The following TRPM7 variants were observed in gnomAD, a reference collection of about 807,000 sequenced individuals.
TRPM7 encodes LTRPC ion channel family member 7.
Under a neutral mutation model 229.7 loss-of-function variants are expected in TRPM7, and 134 were observed. The observed-to-expected ratio is 0.58, with a 90% CI of 0.51 to 0.67. TRPM7 has a LOEUF of 0.67. Ranked by LOEUF, TRPM7 falls within the 30% of genes least tolerant of loss-of-function variation. The pLI is 0.00. For synonymous variants in TRPM7, 699 were observed against 715.2 expected (o/e 0.98, Z 0.36); for missense variants, 1,901 against 2,210.0 (o/e 0.86, Z 2.80).
At chr15:50,669,794 G>A (rs2061951456) in intron 1 of TRPM7, among the ~76,000 whole-genome samples, 1 of 151,920 alleles carries the variant, frequency 6.6e-6, no homozygotes, top group South Asian at 2.1e-4. Flanking sequence ...AAAAAAAAAA[G>A]GGATGGCTAA....
At chr15:50,668,979 A>G (rs2061937373) in intron 1 of TRPM7, among the ~76,000 whole-genome samples, 1 of 152,190 alleles carries the variant, frequency 6.6e-6, no homozygotes, top group African/African-American at 2.4e-5. Flanking sequence ...AACTGGCCTC[A>G]TATCTTGTCT....
At chr15:50,638,130 C>A (rs1197403305) in intron 6 of TRPM7, among the ~76,000 whole-genome samples, 2 of 151,508 alleles carry the variant, frequency 1.3e-5, no homozygotes, top group Non-Finnish European at 2.9e-5. Flanking sequence ...GAGGCCGAGG[C>A]GGGCGGATCA....
rs376363705 is a variant in TRPM7 at position 50,607,323 on chromosome 15, T to G, written c.2586A>C (p.Ala862=). The G allele has an allele frequency of 1.3e-6, 2 of 1,566,594 alleles. No individual in the cohort carries two copies. The highest frequency in any genetic ancestry group is 8.6e-7 in the Non-Finnish European group (1 of 1,160,490). Residue 862 remains alanine, a synonymous_variant, in exon 20 of 39, where the codon GCA becomes GCC. Transcript: ENST00000646667. The part of the protein sequence containing the change: ...PIVKFWFNTL[A]YLGFLMLYTF... Reference sequence around the variant, plus strand: ...TATAAAGCATCAGAAATCCTAAATATGCCAACTAATGAAAAAGTAAAGGTT... The same window carrying G: ...TATAAAGCATCAGAAATCCTAAATAGGCCAACTAATGAAAAAGTAAAGGTT...
At chr15:50,678,419 G>C (rs1455517185) in intron 1 of TRPM7, among the ~76,000 whole-genome samples, 1 of 150,286 alleles carries the variant, frequency 6.7e-6, no homozygotes, top group Non-Finnish European at 1.5e-5. Flanking sequence ...GTTGAAATAA[G>C]CTGGCACTCT....
chr15:50,562,203 GATCATTTCTA>G (rs987674388), intron 38 of TRPM7, among the ~76,000 whole-genome samples: 1 of 152,074 alleles, frequency 6.6e-6, no homozygotes, highest in Non-Finnish European at 1.5e-5. Context: ...GCTGAATTAG[GATCATTTCTA>G]ATCAATTTTT....
At chr15:50,562,986 G>A (rs543653612) in intron 38 of TRPM7, among the ~76,000 whole-genome samples, 10 of 152,138 alleles carry the variant, frequency 6.6e-5, no homozygotes, top group Non-Finnish European at 1.2e-4. Context: ...AAGACTGTCA[G>A]AAGGAATGGA....
intron 13 of TRPM7, among the ~76,000 whole-genome samples, chr15:50,614,497 T>C (rs148916059): frequency 0.014 from 2,111 of 152,096 alleles, 47 homozygotes; most frequent in African/African-American, 0.049. Flanking sequence ...ACCCCTTCTC[T>C]ACTAAAAATA....
chr15:50,657,193 G>A (rs1282154663), intron 3 of TRPM7, among the ~76,000 whole-genome samples: 4 of 151,966 alleles, frequency 2.6e-5, no homozygotes, highest in South Asian at 2.1e-4. Flanking sequence ...GCATGGTGGC[G>A]CATGCCTGTA....
In TRPM7 at chr15:50,589,097, G is replaced by A. The variant is rs558181033; in HGVS notation, c.4389+495C>T. On this transcript the variant is annotated intron_variant, in intron 27 of 38. Coordinates refer to ENST00000646667, the MANE Select transcript of TRPM7 (RefSeq NM_017672.6). ...AGCACCTTGGGAAGCCGAGGCAGGCGGATCGCTTGAGGTCAGGAATTTGAG... is the reference window on the plus strand; with the variant it reads ...AGCACCTTGGGAAGCCGAGGCAGGCAGATCGCTTGAGGTCAGGAATTTGAG... Among the ~76,000 whole-genome samples, 13 of 152,238 alleles carry A rather than the reference G, an allele frequency of 8.5e-5. No individual in the cohort carries two copies. The South Asian group carries it at 1.5e-3, about 17-fold the overall frequency.
chr15:50,614,208 T>A lies in TRPM7; in HGVS notation c.1550A>T (p.Glu517Val). The A allele has an allele frequency of 1.2e-6, 2 of 1,612,940 alleles. No homozygotes were observed. Among genetic ancestry groups the A allele is most frequent in the Non-Finnish European group, 1.7e-6 (2 of 1,179,234 alleles). The change falls in exon 14 of 39, where the codon GAA becomes GTA. Residue 517 changes from glutamate (E) to valine (V), a missense_variant. By Grantham distance (121) the Glu-to-Val change is moderately radical. Around this residue, in one of 8 missense-constraint regions of TRPM7, gnomAD observed 794 missense variants for 881.9 expected, o/e 0.90. Transcript: ENST00000646667. ...TCTGTAGGTTCCTCCCATGAGATAT[T>A]CAATAACAAGTCCTATATCAATCAG... ...ITLIDIGLVI[E>V]YLMGGTYRCT...
At chr15:50,564,731 G>A (rs2053514894) in intron 38 of TRPM7, among the ~76,000 whole-genome samples, 1 of 151,874 alleles carries the variant, frequency 6.6e-6, no homozygotes, top group South Asian at 2.1e-4. Flanking sequence ...ATCATAAACT[G>A]TTAATTTTAA....
At chr15:50,613,131 TAATC>T (rs2060109571) in intron 15 of TRPM7, among the ~76,000 whole-genome samples, 2 of 152,234 alleles carry the variant, frequency 1.3e-5, no homozygotes, top group African/African-American at 2.4e-5. Context: ...TACATGTTCT[TAATC>T]AAGTAAAACT....
intron 1 of TRPM7, among the ~76,000 whole-genome samples, chr15:50,684,710 T>C (rs1426167147): frequency 6.6e-6 from 1 of 152,076 alleles, no homozygotes; most frequent in Non-Finnish European, 1.5e-5. Context: ...CAGGGATGCA[T>C]TCAACAAAAT....
chr15:50,615,312 T>C (rs1217272082), intron 13 of TRPM7, among the ~76,000 whole-genome samples: 1 of 152,130 alleles, frequency 6.6e-6, no homozygotes, highest in Non-Finnish European at 1.5e-5. Flanking sequence ...AAATACATGT[T>C]AAGTATTTTT....
rs1993941 is a variant in TRPM7 at position 50,621,442 on chromosome 15, T to G, written c.1441-1644A>C. 1.9e-3 allele frequency among the ~76,000 whole-genome samples: 282 copies of G among 152,326 alleles called. 2 individuals are homozygous for G. The highest frequency in any genetic ancestry group is 6.6e-3 in the African/African-American group (273 of 41,578). On this transcript the variant is annotated intron_variant, in intron 12 of 38. Coordinates refer to ENST00000646667, the MANE Select transcript of TRPM7 (RefSeq NM_017672.6). ...ATAAATTGTTAATAAATAATAAATGTACTTTAACACAGTAATTCTCAAAGT... is the reference window on the plus strand; with the variant it reads ...ATAAATTGTTAATAAATAATAAATGGACTTTAACACAGTAATTCTCAAAGT...
rs371951078 is a variant in TRPM7, at chr15:50,645,253, G to T, written c.322-1700C>A. Among the ~76,000 whole-genome samples, 44 of 152,294 alleles carry T rather than the reference G, an allele frequency of 2.9e-4. 1 individual carries two copies. In the South Asian group the frequency reaches 9.1e-3, roughly 32 times the overall value. ...CACAAGGTTTCACCATGTTGCCCAG[G>T]CTGGTCTTGAACTCCCGGGCTCAAG... On this transcript the variant is annotated intron_variant, in intron 4 of 38. Coordinates refer to ENST00000646667, the MANE Select transcript of TRPM7 (RefSeq NM_017672.6).
intron 4 of TRPM7, among the ~76,000 whole-genome samples, chr15:50,645,511 T>C (rs2061237737): frequency 6.6e-6 from 1 of 152,170 alleles, no homozygotes; most frequent in Non-Finnish European, 1.5e-5. Flanking sequence ...TTTGTATTTT[T>C]AGTAGAGACA....
intron 33 of TRPM7, 97 bp from the exon 34 acceptor site, chr15:50,575,232 G>T: frequency 9.3e-7 from 1 of 1,079,834 alleles, no homozygotes; most frequent in Non-Finnish European, 1.3e-6. Context: ...TTAAGGAACA[G>T]AAGATAAAAT....
At chr15:50,656,173 TA>T (rs35567264) in intron 3 of TRPM7, among the ~76,000 whole-genome samples, 11,266 of 152,162 alleles carry the variant, frequency 0.074, 541 homozygotes, top group Non-Finnish European at 0.11. Context: ...AAATGCTAAA[TA>T]AAAGAAACTC....
Sources: allele counts gnomAD v4.1 joint callset (sites outside exome capture counted in the v4.1 genomes callset), GRCh38; gene constraint gnomAD v4.1.1; regional missense constraint gnomAD v4.1.1; transcripts MANE v1.5; gene names NCBI Gene and HGNC (gene_info 2026-07-23, HGNC 2026-07-21).